The following SORCS3 variants were observed in gnomAD, a reference collection of about 807,000 sequenced individuals.
The protein encoded by SORCS3 is sortilin related VPS10 domain containing receptor 3, also known as VPS10 domain-containing receptor SorCS3.
In SORCS3, 57 loss-of-function variants were observed where a neutral mutation model predicts 146.3. The observed-to-expected ratio is 0.39, with a 90% CI of 0.31 to 0.49. SORCS3 has a LOEUF of 0.49. Among genes scored for constraint, SORCS3 ranks in the 20% least tolerant of loss-of-function variants. SORCS3 has a pLI of 0.92. For missense variants in SORCS3, 1,341 were observed against 1,575.5 expected (o/e 0.85, Z 2.52); for synonymous variants, 653 against 618.5 (o/e 1.06, Z -0.83).
intron 7 of SORCS3, among the ~76,000 whole-genome samples, chr10:105,131,650 T>C (rs747379560): frequency 6.6e-6 from 1 of 152,140 alleles, no homozygotes; most frequent in Non-Finnish European, 1.5e-5. Flanking sequence ...AAAAGAGGTT[T>C]GATTCGTTCA....
intron 2 of SORCS3, among the ~76,000 whole-genome samples, chr10:104,876,780 T>TTC (rs2018578788): frequency 6.9e-6 from 1 of 145,216 alleles, no homozygotes; most frequent in Admixed American, 6.9e-5. Flanking sequence ...TTCCTTTCCT[T>TTC]CTTTTCTTTT....
chr10:104,767,571 T>G (rs902279363), intron 1 of SORCS3, among the ~76,000 whole-genome samples: 2 of 133,088 alleles, frequency 1.5e-5, no homozygotes, highest in African/African-American at 5.7e-5. Flanking sequence ...TTTCCCTTCC[T>G]CTCCCTTTCT....
At chr10:104,842,096 G>T (rs1199480479) in intron 1 of SORCS3, among the ~76,000 whole-genome samples, 2 of 152,188 alleles carry the variant, frequency 1.3e-5, no homozygotes, top group African/African-American at 4.8e-5. Flanking sequence ...TGGATTACTG[G>T]TAGCCTCAGC....
At chr10:105,141,965 A>G (rs1177885657) in intron 8 of SORCS3, among the ~76,000 whole-genome samples, 1 of 152,284 alleles carries the variant, frequency 6.6e-6, no homozygotes, top group East Asian at 1.9e-4. Flanking sequence ...TCAAGTGTAA[A>G]GTGTTCGACA....
chr10:104,756,298 G>C lies in SORCS3; in HGVS notation c.628-86494G>C, dbSNP rs1476137153. Among the ~76,000 whole-genome samples, 2 of 152,196 alleles carry C rather than the reference G, an allele frequency of 1.3e-5. 1 individual carries two copies. Among genetic ancestry groups the C allele is most frequent in the Admixed American group, 1.3e-4 (2 of 15,270 alleles). On this transcript the variant is annotated intron_variant, in intron 1 of 26. Transcript: ENST00000369701. The stretch of plus-strand genomic sequence containing the variant: ...AAAAAGTGCATATAGGATCACATAA[G>C]AGCACTGTCCTTCAGAAGTATACAG...
intron 4 of SORCS3, among the ~76,000 whole-genome samples, chr10:105,007,707 T>A (rs2055105603): frequency 6.6e-6 from 1 of 152,100 alleles, no homozygotes; most frequent in Non-Finnish European, 1.5e-5. Flanking sequence ...GAACATTTAT[T>A]GTCATGTCTT....
intron 1 of SORCS3, among the ~76,000 whole-genome samples, chr10:104,824,953 C>G (rs997570211): frequency 1.3e-5 from 2 of 152,198 alleles, no homozygotes; most frequent in African/African-American, 4.8e-5. Flanking sequence ...GGATCACACA[C>G]CAGGCAAAAT....
chr10:105,137,105 T>G (rs755669003), intron 7 of SORCS3, among the ~76,000 whole-genome samples: 4 of 152,090 alleles, frequency 2.6e-5, no homozygotes, highest in Non-Finnish European at 4.4e-5. Flanking sequence ...GGACTTCTGA[T>G]AGGAGGTGGA....
At chr10:104,842,962 T>C (rs904118471) in intron 2 of SORCS3, 103 bp downstream of exon 2, 2 of 903,946 alleles carry the variant, frequency 2.2e-6, no homozygotes, top group Admixed American at 3.7e-5. Context: ...CAGAAGATAG[T>C]CCTCTTCCTG....
At chr10:104,921,645 G>A (rs1230737065) in intron 3 of SORCS3, among the ~76,000 whole-genome samples, 1 of 151,864 alleles carries the variant, frequency 6.6e-6, no homozygotes, top group African/African-American at 2.4e-5. Context: ...TTTATTCTAA[G>A]TTTTACTATT....
intron 3 of SORCS3, among the ~76,000 whole-genome samples, chr10:104,976,356 A>T (rs1368457988): frequency 6.6e-6 from 1 of 152,208 alleles, no homozygotes; most frequent in Non-Finnish European, 1.5e-5. Flanking sequence ...CAAAACCACA[A>T]TGAGATACCA....
chr10:104,928,663 C>T (rs958210265), intron 3 of SORCS3, among the ~76,000 whole-genome samples: 5 of 152,064 alleles, frequency 3.3e-5, no homozygotes, highest in Admixed American at 2.6e-4. Context: ...TGCTGGTGAG[C>T]GTGTCTGGGC....
At position 105,251,941 on chromosome 10, in the gene SORCS3, T is replaced by C. The variant is rs181105021; in HGVS notation, c.3106-834T>C. Among the ~76,000 whole-genome samples the C allele has an allele frequency of 1.9e-4, 29 of 152,334 alleles. No individual in the cohort carries two copies. The East Asian group carries it at 5.4e-3, about 28-fold the overall frequency. On this transcript the variant is annotated intron_variant, in intron 22 of 26. Transcript: ENST00000369701. ...AACCAAAGAAATGTAAGGAAATAGA[T>C]TGGAATGCAGCTATCATAAGTATTT...
chr10:105,143,875 G>T (rs10884107), intron 8 of SORCS3, among the ~76,000 whole-genome samples: 46,197 of 151,886 alleles, frequency 0.3, 7,173 homozygotes, highest in Middle Eastern at 0.35. Context: ...ATGGAGAACC[G>T]GCTTCCTTGG....
intron 5 of SORCS3, among the ~76,000 whole-genome samples, chr10:105,046,727 A>G (rs1160252376): frequency 1.3e-5 from 2 of 152,092 alleles, no homozygotes; most frequent in South Asian, 2.1e-4. Flanking sequence ...TCCAATCAAG[A>G]TAGGTCACCT....
chr10:104,867,895 A>G (rs1308923022), intron 2 of SORCS3, among the ~76,000 whole-genome samples: 1 of 152,230 alleles, frequency 6.6e-6, no homozygotes. Context: ...CATCAATGTT[A>G]AAGACCCTTT....
chr10:105,067,955 A>G (rs2055532773), intron 5 of SORCS3, among the ~76,000 whole-genome samples: 1 of 151,980 alleles, frequency 6.6e-6, no homozygotes, highest in African/African-American at 2.4e-5. Flanking sequence ...ATTTGCTTGC[A>G]AAGAGACACA....
intron 4 of SORCS3, among the ~76,000 whole-genome samples, chr10:105,022,761 C>A (rs1456416987): frequency 6.6e-6 from 1 of 151,752 alleles, no homozygotes; most frequent in African/African-American, 2.4e-5. Flanking sequence ...GGAAGTATAC[C>A]CAGTAAGCCC....
intron 14 of SORCS3, among the ~76,000 whole-genome samples, chr10:105,186,361 T>C (rs2119581225): frequency 6.6e-6 from 1 of 152,342 alleles, no homozygotes; most frequent in East Asian, 1.9e-4. Context: ...CTGAACATAA[T>C]TGTCCTCGTG....
Sources: gnomAD v4.1 joint callset for allele counts (sites outside exome capture counted in the v4.1 genomes callset) on GRCh38, gnomAD v4.1.1 for gene constraint, MANE v1.5 for transcripts, NCBI Gene and HGNC (gene_info 2026-07-23, HGNC 2026-07-21) for gene names.